KHDRBS2: variants seen among roughly 807,000 people sequenced by gnomAD.
The protein encoded by KHDRBS2 is KH RNA binding domain containing, signal transduction associated 2, also known as KH domain-containing, RNA-binding, signal transduction-associated protein 2.
In KHDRBS2, 26 loss-of-function variants were observed where a neutral mutation model predicts 44.3. The observed-to-expected ratio is 0.59, with a 90% CI of 0.43 to 0.81. KHDRBS2 has a LOEUF of 0.81. KHDRBS2 is among the 40% of genes least tolerant of loss of function. KHDRBS2 has a pLI of 0.00. For synonymous variants in KHDRBS2, 194 were observed against 151.1 expected (o/e 1.28, Z -2.08); for missense variants, 476 against 433.1 (o/e 1.10, Z -0.88).
In KHDRBS2 at chr6:62,217,240, G is replaced by C. The variant is rs769920608; in HGVS notation, c.92-39928C>G. Among the ~76,000 whole-genome samples, 27 of 151,412 alleles carry C rather than the reference G, an allele frequency of 1.8e-4. 1 individual carries two copies. The highest frequency in any genetic ancestry group is 3.4e-4 in the Non-Finnish European group (23 of 67,754). On this transcript the variant is annotated intron_variant, in intron 1 of 8. Coordinates refer to ENST00000281156, the MANE Select transcript of KHDRBS2 (RefSeq NM_152688.4). ...CTAAAATCATACTGTCACTAATCCAGATCTTTAACAATCAATCAATCCTAT... is the reference window on the plus strand; with the variant it reads ...CTAAAATCATACTGTCACTAATCCACATCTTTAACAATCAATCAATCCTAT...
the KHDRBS2 span, among the ~76,000 whole-genome samples, chr6:61,545,478 C>G: frequency 6.8e-6 from 1 of 146,018 alleles, no homozygotes; most frequent in Middle Eastern, 3.7e-3. Flanking sequence ...TTAGCTCATA[C>G]GTAAAATATT....
At chr6:62,023,286 T>TTATA (rs1209462169) in intron 3 of KHDRBS2, among the ~76,000 whole-genome samples, 1 of 151,698 alleles carries the variant, frequency 6.6e-6, no homozygotes, top group Non-Finnish European at 1.5e-5. Context: ...GAGTATGTGC[T>TTATA]TATATATCTT....
At chr6:62,172,927 CAACTAAAGCCTTATTAATAAG>C (rs145339442) in intron 2 of KHDRBS2, among the ~76,000 whole-genome samples, 5,755 of 151,898 alleles carry the variant, frequency 0.038, 393 homozygotes, top group African/African-American at 0.13. Context: ...CACTGGGACA[CAACTAAAGCCTTATTAATAAG>C]AAAGTTTATA....
At chr6:62,218,698 T>C (rs1207072103) in intron 1 of KHDRBS2, among the ~76,000 whole-genome samples, 2 of 151,914 alleles carry the variant, frequency 1.3e-5, no homozygotes, top group Non-Finnish European at 2.9e-5. Context: ...GAAGTCATTT[T>C]ATCAAAATAA....
rs551533644 is a variant in KHDRBS2, at chr6:61,799,497, T to A, written c.811-66733A>T. On this transcript the variant is annotated intron_variant, in intron 6 of 8. Transcript: ENST00000281156. ...ATGAAACAAAGTAATGTCTTAAGAG[T>A]TTCTAATAGAAATCAAAATATTTTC... is the stretch of plus-strand genomic sequence containing the variant. 4.6e-5 allele frequency among the ~76,000 whole-genome samples: 7 copies of A among 151,670 alleles called. 1 individual carries two copies. The highest frequency in any genetic ancestry group is 1.0e-4 in the Non-Finnish European group (7 of 67,850).
intron 6 of KHDRBS2, among the ~76,000 whole-genome samples, chr6:61,749,009 C>CTTTTTTTTTTTTTTTTTTTTT (rs34423906): frequency 2.1e-5 from 2 of 97,218 alleles, no homozygotes; most frequent in African/African-American, 4.1e-5. Context: ...TTCTTTCTTT[C>CTTTTTTTTTTTTTTTTTTTTT]TTTTTTTTTT....
At chr6:61,809,509 A>G (rs1787762162) in intron 6 of KHDRBS2, among the ~76,000 whole-genome samples, 1 of 152,150 alleles carries the variant, frequency 6.6e-6, no homozygotes, top group South Asian at 2.1e-4. Flanking sequence ...AAATACCTTA[A>G]GAAAAAAATT....
At chr6:62,105,765 G>T (rs1803079035) in intron 2 of KHDRBS2, among the ~76,000 whole-genome samples, 1 of 151,908 alleles carries the variant, frequency 6.6e-6, no homozygotes, top group African/African-American at 2.4e-5. Flanking sequence ...GGTTTTTTGT[G>T]TCTCTATTTC....
intron 4 of KHDRBS2, among the ~76,000 whole-genome samples, chr6:61,958,562 C>T (rs1767943819): frequency 6.6e-6 from 1 of 152,180 alleles, no homozygotes; most frequent in Admixed American, 6.6e-5. Flanking sequence ...TATTCCACTT[C>T]AGTGATCCAT....
chr6:61,549,325 T>C, the KHDRBS2 span, among the ~76,000 whole-genome samples: 1 of 152,192 alleles, frequency 6.6e-6, no homozygotes, highest in Non-Finnish European at 1.5e-5. Flanking sequence ...GTCTCAGGAC[T>C]CCTTCACAGT....
chr6:62,260,745 T>G (rs752364948), intron 1 of KHDRBS2, among the ~76,000 whole-genome samples: 1 of 151,974 alleles, frequency 6.6e-6, no homozygotes, highest in African/African-American at 2.4e-5. Context: ...AATCTCCCTG[T>G]AGCAAGTTTA....
intron 6 of KHDRBS2, among the ~76,000 whole-genome samples, chr6:61,813,687 T>C (rs1014943949): frequency 6.6e-5 from 10 of 152,226 alleles, no homozygotes; most frequent in African/African-American, 2.4e-4. Context: ...ATTTGAATTA[T>C]CAGCTCCCTG....
chr6:62,207,049 T>G (rs1317896069), intron 1 of KHDRBS2, among the ~76,000 whole-genome samples: 2 of 152,064 alleles, frequency 1.3e-5, no homozygotes, highest in Non-Finnish European at 2.9e-5. Context: ...AGCAATGAAC[T>G]TTAATCCTGT....
chr6:61,766,659 T>G (rs1227712119), intron 6 of KHDRBS2, among the ~76,000 whole-genome samples: 6 of 152,068 alleles, frequency 3.9e-5, no homozygotes, highest in Non-Finnish European at 5.9e-5. Context: ...GTATGTTATA[T>G]TTCCATTTTC....
chr6:61,767,407 T>C (rs935508319), intron 6 of KHDRBS2, among the ~76,000 whole-genome samples: 30 of 152,138 alleles, frequency 2.0e-4, no homozygotes, highest in African/African-American at 6.5e-4. Flanking sequence ...TTTTATTTAA[T>C]CCATTCTGCC....
At chr6:62,008,438 T>C (rs1562632014) in intron 3 of KHDRBS2, among the ~76,000 whole-genome samples, 1 of 152,210 alleles carries the variant, frequency 6.6e-6, no homozygotes, top group Admixed American at 6.5e-5. Context: ...ACATAACTTT[T>C]AGAATAATGC....
Position 62,024,886 on chromosome 6 carries a change from T to A in KHDRBS2, c.336+22992A>T, listed in dbSNP as rs1345357378. 1.4e-4 allele frequency among the ~76,000 whole-genome samples: 21 copies of A among 151,768 alleles called. 2 individuals carry two copies. In the East Asian group the frequency reaches 1.9e-3, roughly 14 times the overall value. On this transcript the variant is annotated intron_variant, in intron 3 of 8. Coordinates refer to ENST00000281156, the MANE Select transcript of KHDRBS2 (RefSeq NM_152688.4). ...AAGTATTTATCATGGTCCTCATGAG[T>A]AACAATAATACAACAAATAGAAATC... is the stretch of plus-strand genomic sequence containing the variant.
intron 4 of KHDRBS2, among the ~76,000 whole-genome samples, chr6:61,974,425 T>C (rs1772076071): frequency 6.6e-6 from 1 of 152,158 alleles, no homozygotes; most frequent in Non-Finnish European, 1.5e-5. Context: ...GCATCAACAT[T>C]ATTGAAGCAT....
chr6:61,939,171 A>G (rs1811626729), intron 4 of KHDRBS2, among the ~76,000 whole-genome samples: 1 of 152,190 alleles, frequency 6.6e-6, no homozygotes, highest in African/African-American at 2.4e-5. Context: ...GAAGTTGTGA[A>G]ATCTAATACA....
Sources: gnomAD v4.1 joint callset for allele counts (sites outside exome capture counted in the v4.1 genomes callset) on GRCh38, gnomAD v4.1.1 for gene constraint, MANE v1.5 for transcripts, NCBI Gene and HGNC (gene_info 2026-07-23, HGNC 2026-07-21) for gene names.